Variants in PIBF1 observed in about 807,000 individuals in gnomAD.
PIBF1 encodes the protein progesterone immunomodulatory binding factor 1, also known as progesterone-induced-blocking factor 1.
PIBF1 carries 90 observed loss-of-function variants against 112.5 expected under a neutral mutation model. The ratio of observed to expected loss-of-function variants is 0.80; its 90% CI spans 0.67 to 0.95. The LOEUF is 0.95. Among genes scored for constraint, PIBF1 ranks in the 40% least tolerant of loss-of-function variants. PIBF1 has a pLI of 0.00. For missense variants in PIBF1, 915 were observed against 852.3 expected (o/e 1.07, Z -0.92); for synonymous variants, 301 against 288.6 (o/e 1.04, Z -0.44).
chr13:72,797,620 A>G (rs1481038609), intron 4 of PIBF1, among the ~76,000 whole-genome samples: 1 of 152,194 alleles, frequency 6.6e-6, no homozygotes, highest in Admixed American at 6.5e-5. Flanking sequence ...GAAGTTTACA[A>G]GCACCTAGTG....
At chr13:72,942,719 G>A (rs145582938) in intron 14 of PIBF1, among the ~76,000 whole-genome samples, 3 of 152,236 alleles carry the variant, frequency 2.0e-5, no homozygotes, top group Admixed American at 1.3e-4. Flanking sequence ...TCCTTTAGTA[G>A]GCTGGGCACA....
At chr13:72,938,383 C>G (rs1163511944) in intron 14 of PIBF1, among the ~76,000 whole-genome samples, 1 of 152,088 alleles carries the variant, frequency 6.6e-6, no homozygotes, top group African/African-American at 2.4e-5. Flanking sequence ...CAGTCCCCCA[C>G]AAGCAATAAT....
At chr13:72,961,999 T>G (rs2042619742) in intron 14 of PIBF1, among the ~76,000 whole-genome samples, 1 of 152,012 alleles carries the variant, frequency 6.6e-6, no homozygotes, top group Non-Finnish European at 1.5e-5. Context: ...AATACTAACT[T>G]AAGAAAAAAA....
intron 8 of PIBF1, among the ~76,000 whole-genome samples, chr13:72,833,661 C>T (rs1394351671): frequency 2.0e-5 from 3 of 152,186 alleles, no homozygotes; most frequent in Non-Finnish European, 2.9e-5. Flanking sequence ...CCAACCAGAG[C>T]TCTCCTGTAT....
intron 13 of PIBF1, among the ~76,000 whole-genome samples, chr13:72,917,986 C>T (rs374422627): frequency 6.6e-6 from 1 of 152,126 alleles, no homozygotes; most frequent in Non-Finnish European, 1.5e-5. Flanking sequence ...CCATGCATCC[C>T]GTGGATACCA....
At chr13:72,813,398 A>C (rs530448692) in intron 5 of PIBF1, among the ~76,000 whole-genome samples, 1 of 152,262 alleles carries the variant, frequency 6.6e-6, no homozygotes, top group South Asian at 2.1e-4. Flanking sequence ...TGTTCCAGTT[A>C]CGTATTGCTG....
chr13:72,952,485 T>G (rs1158243239), intron 14 of PIBF1, among the ~76,000 whole-genome samples: 1 of 152,112 alleles, frequency 6.6e-6, no homozygotes, highest in Non-Finnish European at 1.5e-5. Context: ...TTGGATCCAC[T>G]GCTGGAGAGC....
chr13:72,865,097 C>T (rs1189115177), intron 10 of PIBF1, among the ~76,000 whole-genome samples: 6 of 151,630 alleles, frequency 4.0e-5, no homozygotes, highest in Non-Finnish European at 5.9e-5. Context: ...CTACATAAAC[C>T]CTGTTAACAT....
chr13:72,811,654 A>G (rs2036024613), intron 5 of PIBF1, among the ~76,000 whole-genome samples: 2 of 152,054 alleles, frequency 1.3e-5, no homozygotes, highest in Admixed American at 1.3e-4. Context: ...CCGCCAATAT[A>G]AAGTTAATAT....
intron 14 of PIBF1, among the ~76,000 whole-genome samples, chr13:72,939,482 T>C (rs188291210): frequency 6.6e-6 from 1 of 152,338 alleles, no homozygotes; most frequent in African/African-American, 2.4e-5. Flanking sequence ...TCATACAATA[T>C]GTGACGTTTT....
At chr13:72,833,239 T>G (rs543410403) in intron 8 of PIBF1, among the ~76,000 whole-genome samples, 1 of 152,224 alleles carries the variant, frequency 6.6e-6, no homozygotes, top group Non-Finnish European at 1.5e-5. Context: ...GAGGAGTTTG[T>G]TATTACCCAC....
chr13:72,899,587 A>G (rs1046251999), intron 11 of PIBF1, among the ~76,000 whole-genome samples: 4 of 152,124 alleles, frequency 2.6e-5, no homozygotes, highest in Non-Finnish European at 5.9e-5. Context: ...TGAAACCCTC[A>G]GCAAAATCGG....
At chr13:72,899,926 T>G (rs1255148958) in intron 11 of PIBF1, among the ~76,000 whole-genome samples, 1 of 152,160 alleles carries the variant, frequency 6.6e-6, no homozygotes, top group African/African-American at 2.4e-5. Flanking sequence ...ACAAGATTGA[T>G]GTACACAAAT....
chr13:72,864,743 T>A (rs2038852956), intron 10 of PIBF1, among the ~76,000 whole-genome samples: 1 of 152,222 alleles, frequency 6.6e-6, no homozygotes, highest in Non-Finnish European at 1.5e-5. Flanking sequence ...TTTTCCACGA[T>A]TATTTTAAAA....
At chr13:72,959,090 G>T (rs1192812025) in intron 14 of PIBF1, among the ~76,000 whole-genome samples, 1 of 152,124 alleles carries the variant, frequency 6.6e-6, no homozygotes, top group East Asian at 1.9e-4. Flanking sequence ...CCACCTCCTG[G>T]ATTCAAGCAG....
At chr13:72,904,858 T>G (rs900996041) in intron 11 of PIBF1, among the ~76,000 whole-genome samples, 6 of 152,110 alleles carry the variant, frequency 3.9e-5, no homozygotes, top group Non-Finnish European at 7.3e-5. Context: ...TGGATTTTTT[T>G]TTAATGTCTA....
At chr13:72,796,017 T>G (rs182908663) in intron 4 of PIBF1, among the ~76,000 whole-genome samples, 62 of 152,290 alleles carry the variant, frequency 4.1e-4, no homozygotes, top group East Asian at 2.3e-3. Context: ...TCTCAAATAT[T>G]TTGGTGTCAG....
chr13:72,931,311 T>C (rs993203796), intron 14 of PIBF1, 44 bp downstream of exon 14: 12 of 1,161,242 alleles, frequency 1.0e-5, no homozygotes, highest in African/African-American at 1.5e-5. Context: ...ACAGTATTCA[T>C]TTTAATTGTT....
intron 12 of PIBF1, among the ~76,000 whole-genome samples, chr13:72,912,700 C>T (rs535575261): frequency 2.2e-4 from 33 of 152,252 alleles, no homozygotes; most frequent in Middle Eastern, 3.4e-3. Flanking sequence ...AAACTGACAA[C>T]AGCCCAGGTG....
Sources: allele counts gnomAD v4.1 joint callset (sites outside exome capture counted in the v4.1 genomes callset), GRCh38; gene constraint gnomAD v4.1.1; transcripts MANE v1.5; gene names NCBI Gene and HGNC (gene_info 2026-07-23, HGNC 2026-07-21).